The following PDCD6IP variants were observed in gnomAD, a reference collection of about 807,000 sequenced individuals.
PDCD6IP encodes the protein programmed cell death 6 interacting protein.
In PDCD6IP, 43 loss-of-function variants were observed where a neutral mutation model predicts 103.7. The observed-to-expected ratio is 0.41, with a 90% CI of 0.32 to 0.53. The LOEUF (loss-of-function observed/expected upper bound fraction) is 0.53. PDCD6IP is among the 20% of genes least tolerant of loss of function. PDCD6IP has a pLI of 0.16. For synonymous variants in PDCD6IP, 354 were observed against 378.7 expected, an observed-to-expected ratio of 0.93 and a Z score of 0.76; for missense variants, 871 against 1,036.7, an observed-to-expected ratio of 0.84 and a Z score of 2.20.
intron 1 of PDCD6IP, among the ~76,000 whole-genome samples, chr3:33,802,226 T>G (rs1040956440): frequency 1.3e-5 from 2 of 152,284 alleles, no homozygotes; most frequent in Non-Finnish European, 2.9e-5. Context: ...GGCACGGGGC[T>G]CGCCCTTTAG....
intron 1 of PDCD6IP, 138 bp downstream of exon 1, chr3:33,799,075 T>TC: frequency 1.2e-6 from 1 of 830,854 alleles, no homozygotes; most frequent in South Asian, 1.8e-5. Flanking sequence ...GTAGGTGTGG[T>TC]CTGCATTCTT....
At chr3:33,860,995 G>A (rs1351836808) in intron 15 of PDCD6IP, among the ~76,000 whole-genome samples, 14 of 136,332 alleles carry the variant, frequency 1.0e-4, no homozygotes, top group Admixed American at 4.8e-4. Context: ...TGTAGTAGCC[G>A]TAGTTAAAAA....
At chr3:33,861,016 G>A (rs1038391867) in intron 15 of PDCD6IP, among the ~76,000 whole-genome samples, 2 of 150,778 alleles carry the variant, frequency 1.3e-5, no homozygotes, top group African/African-American at 4.9e-5. Flanking sequence ...AAAAAAAACA[G>A]GTGAAATTAA....
chr3:33,805,779 C>T (rs1317432171), intron 1 of PDCD6IP, among the ~76,000 whole-genome samples: 3 of 150,808 alleles, frequency 2.0e-5, no homozygotes, highest in African/African-American at 7.3e-5. Context: ...GAGTCTCACT[C>T]GGTCGCCCAG....
chr3:33,834,307 T>G (rs1489824872), intron 7 of PDCD6IP, among the ~76,000 whole-genome samples: 1 of 152,182 alleles, frequency 6.6e-6, no homozygotes, highest in Non-Finnish European at 1.5e-5. Flanking sequence ...TAAAGTAATT[T>G]TAACTTAGGG....
At chr3:33,838,079 T>C (rs944589564) in intron 8 of PDCD6IP, 125 bp from the exon 9 acceptor site, 24 of 845,876 alleles carry the variant, frequency 2.8e-5, no homozygotes, top group African/African-American at 5.2e-5. Context: ...TTTTGATCTT[T>C]AAATGTCAAT....
At chr3:33,843,786 C>T (rs572783046) in intron 10 of PDCD6IP, among the ~76,000 whole-genome samples, 1 of 151,266 alleles carries the variant, frequency 6.6e-6, no homozygotes, top group Non-Finnish European at 1.5e-5. Context: ...TCAGTTTTCC[C>T]CTTTTGTTTA....
chr3:33,867,856 CATT>C lies in PDCD6IP; in HGVS notation c.*1335_*1337del, dbSNP rs1180985428. 6.6e-6 allele frequency: 1 copy of C among 152,128 alleles called. No homozygotes were observed. Among genetic ancestry groups the C allele is most frequent in the East Asian group, 1.9e-4 (1 of 5,200 alleles). 9.4% of individuals were successfully genotyped at this position (152,128 alleles called of 1,614,324 possible). A position where few individuals can be genotyped will look rare whatever the true frequency, so the allele number is the denominator to read the frequency against. ...GAGTTTCAACGCTGACCTTTTCTTGCATTATTGTTTCATTTTAATGATAGTGTT... is the reference window on the plus strand; with the variant it reads ...GAGTTTCAACGCTGACCTTTTCTTGCATTGTTTCATTTTAATGATAGTGTT... On this transcript the variant is annotated 3_prime_UTR_variant, in exon 18 of 18. Transcript: ENST00000307296.
intron 6 of PDCD6IP, chr3:33,827,050 A>G: frequency 1.0e-6 from 1 of 985,380 alleles, no homozygotes; most frequent in Non-Finnish European, 1.2e-6. Flanking sequence ...TTTGATTAGA[A>G]TTCAGTTTTG....
At chr3:33,834,847 T>C (rs1474283091) in intron 7 of PDCD6IP, among the ~76,000 whole-genome samples, 1 of 152,214 alleles carries the variant, frequency 6.6e-6, no homozygotes, top group Admixed American at 6.5e-5. Flanking sequence ...TCTAGTGTTC[T>C]CTATGTCTGG....
intron 3 of PDCD6IP, among the ~76,000 whole-genome samples, chr3:33,817,652 T>C (rs1696884416): frequency 6.6e-6 from 1 of 151,234 alleles, no homozygotes; most frequent in Admixed American, 6.6e-5. Flanking sequence ...GTTTAGGGGG[T>C]TGAGGTGAGA....
In PDCD6IP at chr3:33,813,455, C is replaced by G. The variant is rs149734630; in HGVS notation, c.265-104C>G. ...TGGTTATAGGAGATAATATTTTGAG[C>G]TTTTGTCCTTTTTTTCATGGTGGAT... On this transcript the variant is annotated intron_variant, in intron 2 of 17. Coordinates refer to ENST00000307296, the MANE Select transcript of PDCD6IP (RefSeq NM_013374.6). 1.0e-3 allele frequency: 733 copies of G among 709,470 alleles called. 1 individual carries two copies. The highest frequency in any genetic ancestry group is 7.3e-3 in the East Asian group (277 of 38,190). The allele number at this position is 709,470 out of a possible 1,614,324, so 43.9% of individuals were successfully genotyped here.
chr3:33,855,915 C>T (rs1232721833), intron 15 of PDCD6IP, among the ~76,000 whole-genome samples: 1 of 152,190 alleles, frequency 6.6e-6, no homozygotes, highest in Non-Finnish European at 1.5e-5. Context: ...GGTCCCCAAT[C>T]CTGGGGCCTT....
intron 1 of PDCD6IP, among the ~76,000 whole-genome samples, chr3:33,803,737 C>A (rs1423806135): frequency 6.6e-6 from 1 of 152,088 alleles, no homozygotes; most frequent in Non-Finnish European, 1.5e-5. Context: ...TTGGAGCCAC[C>A]TTTTCTTTGT....
At chr3:33,858,957 C>G (rs976032989) in intron 15 of PDCD6IP, among the ~76,000 whole-genome samples, 25 of 151,632 alleles carry the variant, frequency 1.6e-4, no homozygotes, top group African/African-American at 5.3e-4. Context: ...TCCTAAAGTT[C>G]AAGTAGAAAA....
chr3:33,832,118 C>T (rs1452186963), intron 7 of PDCD6IP, among the ~76,000 whole-genome samples: 2 of 152,166 alleles, frequency 1.3e-5, no homozygotes, highest in African/African-American at 2.4e-5. Context: ...GTTTAAACAA[C>T]AGAAATTTAT....
intron 6 of PDCD6IP, 92 bp from the exon 7 acceptor site, chr3:33,828,759 TTC>T: frequency 7.2e-7 from 1 of 1,395,210 alleles, no homozygotes; most frequent in Non-Finnish European, 1.0e-6. Flanking sequence ...TGATTCTAAT[TTC>T]TGTCTTCTTT....
intron 17 of PDCD6IP, 68 bp downstream of exon 17, chr3:33,865,498 A>T: frequency 3.1e-6 from 4 of 1,302,520 alleles, no homozygotes; most frequent in Non-Finnish European, 4.2e-6. Flanking sequence ...AACCTGTTAA[A>T]AACAGGGTCA....
At chr3:33,817,645 T>A (rs758267872) in intron 3 of PDCD6IP, among the ~76,000 whole-genome samples, 1 of 151,844 alleles carries the variant, frequency 6.6e-6, no homozygotes, top group Non-Finnish European at 1.5e-5. Flanking sequence ...CCTAGCTGTT[T>A]AGGGGGTTGA....
Sources: allele counts gnomAD v4.1 joint callset (sites outside exome capture counted in the v4.1 genomes callset), GRCh38; gene constraint gnomAD v4.1.1; transcripts MANE v1.5; gene names NCBI Gene and HGNC (gene_info 2026-07-23, HGNC 2026-07-21).